Variants in KCNB2 observed in about 807,000 individuals in gnomAD.
KCNB2 encodes delayed rectifier potassium channel protein.
KCNB2 carries 15 observed loss-of-function variants against 61.5 expected under a neutral mutation model. That is an observed-to-expected ratio of 0.24 (90% CI 0.16 to 0.38). KCNB2 has a LOEUF of 0.38. Ranked by LOEUF, KCNB2 falls within the 10% of genes least tolerant of loss-of-function variation. The probability of loss-of-function intolerance (pLI) is 1.00; values close to 1 mark genes in which losing one functional copy is unlikely to be tolerated. For synonymous variants in KCNB2, 457 were observed against 446.0 expected, an observed-to-expected ratio of 1.02 and a Z score of -0.31; for missense variants, 828 against 1,125.2, an observed-to-expected ratio of 0.74 and a Z score of 3.78.
chr8:72,831,121 A>G (rs1014352123), intron 2 of KCNB2, among the ~76,000 whole-genome samples: 2 of 152,234 alleles, frequency 1.3e-5, no homozygotes, highest in Non-Finnish European at 2.9e-5. Context: ...GTGGGTAGTC[A>G]TGCTGACTGG....
chr8:72,818,484 T>C (rs974964858), intron 2 of KCNB2, among the ~76,000 whole-genome samples: 7 of 152,286 alleles, frequency 4.6e-5, no homozygotes, highest in African/African-American at 1.4e-4. Context: ...CCCTGGAAAA[T>C]GCACAGTCGT....
intron 1 of KCNB2, among the ~76,000 whole-genome samples, chr8:72,544,633 A>G (rs1309568493): frequency 6.6e-6 from 1 of 152,202 alleles, no homozygotes; most frequent in African/African-American, 2.4e-5. Flanking sequence ...ACCTCCCAAT[A>G]CAGGTCATAA....
intron 2 of KCNB2, among the ~76,000 whole-genome samples, chr8:72,715,664 G>A (rs887286351): frequency 3.9e-5 from 6 of 152,078 alleles, no homozygotes; most frequent in African/African-American, 9.7e-5. Flanking sequence ...TCAAAGCAGC[G>A]TGTAGAGGGA....
At chr8:72,826,304 G>A (rs561502390) in intron 2 of KCNB2, among the ~76,000 whole-genome samples, 204 of 152,264 alleles carry the variant, frequency 1.3e-3, no homozygotes, top group Non-Finnish European at 2.2e-3. Context: ...CAGTCTTCCC[G>A]TAGGATCCCA....
chr8:72,930,204 G>GGACA (rs1236876136), intron 2 of KCNB2, among the ~76,000 whole-genome samples: 2 of 151,564 alleles, frequency 1.3e-5, no homozygotes, highest in Non-Finnish European at 2.9e-5. Context: ...TATCATTGTT[G>GGACA]GACATTTGGG....
At chr8:72,585,303 A>G (rs74968629) in intron 2 of KCNB2, among the ~76,000 whole-genome samples, 3,533 of 152,296 alleles carry the variant, frequency 0.023, 137 homozygotes, top group African/African-American at 0.08. Flanking sequence ...TTCATAATAT[A>G]TAAGTTGATA....
At chr8:72,737,635 T>C (rs938571197) in intron 2 of KCNB2, among the ~76,000 whole-genome samples, 1 of 152,216 alleles carries the variant, frequency 6.6e-6, no homozygotes, top group African/African-American at 2.4e-5. Context: ...AATTGAGTCC[T>C]CTGCGGTAAG....
chr8:72,913,123 A>G (rs1806330773), intron 2 of KCNB2, among the ~76,000 whole-genome samples: 1 of 152,184 alleles, frequency 6.6e-6, no homozygotes, highest in African/African-American at 2.4e-5. Flanking sequence ...GTAAAAAGAT[A>G]AGTTATTTTA....
chr8:72,744,909 A>G (rs1585867489), intron 2 of KCNB2, among the ~76,000 whole-genome samples: 1 of 152,186 alleles, frequency 6.6e-6, no homozygotes, highest in Non-Finnish European at 1.5e-5. Flanking sequence ...TCTCTTTGCA[A>G]TGGGCTTATA....
intron 2 of KCNB2, among the ~76,000 whole-genome samples, chr8:72,705,026 G>C (rs571797877): frequency 2.6e-4 from 39 of 152,052 alleles, no homozygotes; most frequent in Non-Finnish European, 5.0e-4. Context: ...TGAATCCTTG[G>C]ATGCAGAACC....
chr8:72,597,478 G>A (rs764393941), intron 2 of KCNB2, among the ~76,000 whole-genome samples: 13 of 152,188 alleles, frequency 8.5e-5, no homozygotes, highest in Non-Finnish European at 1.5e-4. Flanking sequence ...GGAACCATAA[G>A]AAAGTTTCAT....
At chr8:72,834,620 A>G (rs1809751282) in intron 2 of KCNB2, among the ~76,000 whole-genome samples, 1 of 152,164 alleles carries the variant, frequency 6.6e-6, no homozygotes, top group Non-Finnish European at 1.5e-5. Context: ...AGGAACTAGA[A>G]CTTTCCTGAG....
At chr8:72,889,098 G>A (rs991248933) in intron 2 of KCNB2, among the ~76,000 whole-genome samples, 1 of 152,156 alleles carries the variant, frequency 6.6e-6, no homozygotes, top group African/African-American at 2.4e-5. Flanking sequence ...CATGTGACAA[G>A]CATTACCCCA....
intron 2 of KCNB2, among the ~76,000 whole-genome samples, chr8:72,817,839 A>G (rs1040392083): frequency 1.3e-5 from 2 of 152,174 alleles, no homozygotes; most frequent in African/African-American, 4.8e-5. Context: ...TAGTACCTGT[A>G]AATGTTTTTA....
At chr8:72,711,578 A>G (rs1807327240) in intron 2 of KCNB2, among the ~76,000 whole-genome samples, 1 of 152,220 alleles carries the variant, frequency 6.6e-6, no homozygotes, top group Non-Finnish European at 1.5e-5. Flanking sequence ...TATATTTATG[A>G]TGTACCCTAG....
Position 72,782,389 on chromosome 8 carries a change from G to A in KCNB2, c.580-153546G>A, listed in dbSNP as rs939184968. On this transcript the variant is annotated intron_variant, in intron 2 of 2. Transcript: ENST00000523207. ...TGTTCCGAGCTAGAGAATCCCCTTCGCCACCACGACTCTCTCCCCTCTATG... is the reference window on the plus strand; with the variant it reads ...TGTTCCGAGCTAGAGAATCCCCTTCACCACCACGACTCTCTCCCCTCTATG... Among the ~76,000 whole-genome samples, 28 of 152,048 alleles carry A rather than the reference G, an allele frequency of 1.8e-4. 1 individual carries two copies. Among genetic ancestry groups the A allele is most frequent in the African/African-American group, 4.8e-4 (20 of 41,466 alleles).
At chr8:72,872,354 C>T (rs778145059) in intron 2 of KCNB2, among the ~76,000 whole-genome samples, 1 of 152,204 alleles carries the variant, frequency 6.6e-6, no homozygotes, top group Non-Finnish European at 1.5e-5. Context: ...CCCAACATTT[C>T]CCAGTCAGCC....
In KCNB2 at chr8:72,759,307, C is replaced by T. The variant is rs189455418; in HGVS notation, c.580-176628C>T. Among the ~76,000 whole-genome samples the T allele has an allele frequency of 2.2e-3, 327 of 151,854 alleles. 4 individuals carry two copies. Among genetic ancestry groups the T allele is most frequent in the South Asian group, 0.01 (49 of 4,800 alleles). ...ACTCGCCCTGTGGAGAAAAGAATACCACCTCTCTATATTCATTGGAAATTA... is the reference window on the plus strand; with the variant it reads ...ACTCGCCCTGTGGAGAAAAGAATACTACCTCTCTATATTCATTGGAAATTA... On this transcript the variant is annotated intron_variant, in intron 2 of 2. Transcript: ENST00000523207.
chr8:72,712,359 G>T (rs1484237387), intron 2 of KCNB2, among the ~76,000 whole-genome samples: 2 of 152,172 alleles, frequency 1.3e-5, no homozygotes, highest in East Asian at 1.9e-4. Flanking sequence ...TCACTGGAAG[G>T]TTTCTTACCC....
Sources: allele counts gnomAD v4.1 joint callset (sites outside exome capture counted in the v4.1 genomes callset), GRCh38; gene constraint gnomAD v4.1.1; transcripts MANE v1.5; gene names NCBI Gene and HGNC (gene_info 2026-07-23, HGNC 2026-07-21).